The following FBXL17 variants were observed in gnomAD, a reference collection of about 807,000 sequenced individuals.
The protein encoded by FBXL17 is F-box/LRR-repeat protein 17.
Under a neutral mutation model 66.2 loss-of-function variants are expected in FBXL17, and 22 were observed. That is an observed-to-expected ratio of 0.33 (90% CI 0.24 to 0.47). FBXL17 has a LOEUF of 0.47. Ranked by LOEUF, FBXL17 falls within the 20% of genes least tolerant of loss-of-function variation. FBXL17 has a pLI of 1.00. For missense variants in FBXL17, 878 were observed against 948.2 expected, an observed-to-expected ratio of 0.93 and a Z score of 0.97; for synonymous variants, 474 against 400.5, an observed-to-expected ratio of 1.18 and a Z score of -2.19.
intron 7 of FBXL17, among the ~76,000 whole-genome samples, chr5:107,925,090 G>A (rs1750482814): frequency 6.6e-6 from 1 of 152,150 alleles, no homozygotes; most frequent in African/African-American, 2.4e-5. Context: ...TTTTCATATA[G>A]ATGTGATGTA....
At chr5:108,232,064 C>T (rs1386735236) in intron 4 of FBXL17, among the ~76,000 whole-genome samples, 2 of 152,202 alleles carry the variant, frequency 1.3e-5, no homozygotes, top group East Asian at 1.9e-4. Flanking sequence ...GCTGTGACCA[C>T]GTGACCAGCG....
intron 4 of FBXL17, among the ~76,000 whole-genome samples, chr5:108,266,195 A>C (rs544187676): frequency 1.3e-5 from 2 of 152,274 alleles, no homozygotes; most frequent in African/African-American, 4.8e-5. Context: ...AGAAACTATA[A>C]TTCTAACTTT....
intron 7 of FBXL17, among the ~76,000 whole-genome samples, chr5:107,991,797 T>A (rs1753261215): frequency 6.6e-6 from 1 of 152,220 alleles, no homozygotes; most frequent in Non-Finnish European, 1.5e-5. Flanking sequence ...CATGGTTTAA[T>A]CTGCTCTTTT....
intron 5 of FBXL17, among the ~76,000 whole-genome samples, chr5:108,192,710 T>C (rs1753516964): frequency 6.6e-6 from 1 of 152,084 alleles, no homozygotes; most frequent in South Asian, 2.1e-4. Context: ...GTGAATCGCT[T>C]GAACCCAGGA....
At chr5:108,296,524 C>A (rs1758356449) in intron 4 of FBXL17, among the ~76,000 whole-genome samples, 1 of 151,620 alleles carries the variant, frequency 6.6e-6, no homozygotes, top group South Asian at 2.1e-4. Flanking sequence ...TCCCTAAAAC[C>A]CAAAAGCACT....
chr5:108,102,961 A>G (rs980519774), intron 6 of FBXL17, among the ~76,000 whole-genome samples: 4 of 152,264 alleles, frequency 2.6e-5, no homozygotes, highest in African/African-American at 9.6e-5. Context: ...AAGATATAAC[A>G]TCAACTAACA....
intron 4 of FBXL17, among the ~76,000 whole-genome samples, chr5:108,268,306 C>T (rs1374453416): frequency 6.6e-6 from 1 of 151,872 alleles, no homozygotes; most frequent in African/African-American, 2.4e-5. Context: ...GGCACAAATG[C>T]ATGCATATGT....
At chr5:108,144,605 C>T (rs968054192) in intron 6 of FBXL17, among the ~76,000 whole-genome samples, 13 of 152,120 alleles carry the variant, frequency 8.5e-5, no homozygotes, top group African/African-American at 2.9e-4. Flanking sequence ...TAGTCAACTG[C>T]TGTAGGCAAA....
At chr5:108,364,689 C>G (rs1322457668) in intron 3 of FBXL17, 49 bp downstream of exon 3, 2 of 1,451,500 alleles carry the variant, frequency 1.4e-6, no homozygotes, top group Non-Finnish European at 9.4e-7. Context: ...TGCTAGAAAA[C>G]ATTTTTAATT....
chr5:108,302,048 A>C (rs969868385), intron 4 of FBXL17: 7 of 984,706 alleles, frequency 7.1e-6, no homozygotes, highest in Non-Finnish European at 8.4e-6. Flanking sequence ...GCGCCAACCC[A>C]TCATATGTCT....
At chr5:107,882,299 C>T (rs1351817445) in intron 7 of FBXL17, among the ~76,000 whole-genome samples, 1 of 151,980 alleles carries the variant, frequency 6.6e-6, no homozygotes, top group African/African-American at 2.4e-5. Context: ...ATGTTTACTC[C>T]TACAGCTCAC....
chr5:108,323,458 T>C (rs545868263), intron 4 of FBXL17, among the ~76,000 whole-genome samples: 2 of 151,868 alleles, frequency 1.3e-5, no homozygotes, highest in South Asian at 4.1e-4. Flanking sequence ...AAGACACAAA[T>C]AGATGGAAAG....
rs139253727 is a variant in FBXL17 at position 108,112,438 on chromosome 5, T to G, written c.1745+73679A>C. Reference sequence around the variant, plus strand: ...GCCCTTGACTAAACACTGTTCAGGATTTACCCATCAAACTGTGCCCAAGTA... The same window carrying G: ...GCCCTTGACTAAACACTGTTCAGGAGTTACCCATCAAACTGTGCCCAAGTA... On this transcript the variant is annotated intron_variant, in intron 6 of 8. Transcript: ENST00000542267. 5.8e-3 allele frequency among the ~76,000 whole-genome samples: 887 copies of G among 152,280 alleles called. 12 individuals carry two copies. Among genetic ancestry groups the G allele is most frequent in the African/African-American group, 0.02 (820 of 41,562 alleles).
intron 7 of FBXL17, among the ~76,000 whole-genome samples, chr5:107,966,284 G>T (rs930255523): frequency 3.3e-5 from 5 of 152,094 alleles, no homozygotes; most frequent in African/African-American, 1.2e-4. Flanking sequence ...AGGGGAAGGG[G>T]CTGGGATATT....
rs889441491 is a variant in FBXL17 at position 108,374,367 on chromosome 5, G to A, written c.993+6332C>T. Among the ~76,000 whole-genome samples the A allele has an allele frequency of 2.6e-5, 4 of 152,268 alleles. No homozygotes were observed. In the South Asian group the frequency reaches 8.3e-4, roughly 32 times the overall value. On this transcript the variant is annotated intron_variant, in intron 1 of 8. Coordinates refer to ENST00000542267, the MANE Select transcript of FBXL17 (RefSeq NM_001163315.3). ...AGTATCTTTTCCAATGACAATGAAA[G>A]GAAATTAGACATCAGTAACAGAGGC...
At chr5:107,878,634 G>T (rs186209669) in intron 8 of FBXL17, 8 of 985,304 alleles carry the variant, frequency 8.1e-6, no homozygotes, top group Non-Finnish European at 9.6e-6. Flanking sequence ...GAATCTTGAT[G>T]GTAACTTAAA....
chr5:108,117,771 A>G (rs1450711112), intron 6 of FBXL17, among the ~76,000 whole-genome samples: 1 of 152,182 alleles, frequency 6.6e-6, no homozygotes, highest in African/African-American at 2.4e-5. Context: ...CCTGGCCTAT[A>G]TTATAAAGGT....
At chr5:108,026,769 T>C (rs1368662397) in intron 6 of FBXL17, among the ~76,000 whole-genome samples, 2 of 152,174 alleles carry the variant, frequency 1.3e-5, no homozygotes, top group African/African-American at 2.4e-5. Context: ...ACTTAAACAA[T>C]AGCAAACCGA....
At chr5:108,210,378 C>G (rs1248573606) in intron 5 of FBXL17, among the ~76,000 whole-genome samples, 3 of 152,110 alleles carry the variant, frequency 2.0e-5, no homozygotes, top group Non-Finnish European at 4.4e-5. Flanking sequence ...GCTGATGCTT[C>G]TCTAGTTCTA....
Sources: gnomAD v4.1 joint callset for allele counts (sites outside exome capture counted in the v4.1 genomes callset) on GRCh38, gnomAD v4.1.1 for gene constraint, MANE v1.5 for transcripts, NCBI Gene and HGNC (gene_info 2026-07-23, HGNC 2026-07-21) for gene names.